The following SLITRK2 variants were observed in gnomAD, a reference collection of about 807,000 sequenced individuals.
SLITRK2 encodes SLIT and NTRK-like protein 2.
SLITRK2 carries 13 observed loss-of-function variants against 35.4 expected under a neutral mutation model. That is an observed-to-expected ratio of 0.37 (90% confidence interval 0.24 to 0.58). SLITRK2 has a LOEUF of 0.58. Ranked by LOEUF, SLITRK2 falls within the 20% of genes least tolerant of loss-of-function variation. The pLI is 0.75. For synonymous variants in SLITRK2, 294 were observed against 264.7 expected (o/e 1.11, Z -1.07); for missense variants, 471 against 634.3 (o/e 0.74, Z 2.76).
In SLITRK2 at chrX:145,827,725, T is replaced by A; in HGVS notation, c.*2762T>A. On this transcript the variant is annotated 3_prime_UTR_variant, in exon 5 of 5. Transcript: ENST00000335565. ...TAAAATCATCATACATCATATACTT[T>A]GAACCTTTATTTTCTAATGCAATCA... 1 of 1,186,740 alleles carries A rather than the reference T, an allele frequency of 8.4e-7. No individual in the cohort carries two copies. The highest frequency in any genetic ancestry group is 1.1e-6 in the Non-Finnish European group (1 of 875,979).
intron 4 of SLITRK2, 105 bp downstream of exon 4, chrX:145,822,258 T>A (rs1220055533): frequency 4.5e-6 from 2 of 441,067 alleles, no homozygotes. Context: ...GATTTCATTC[T>A]GCCGTGTTGC....
chrX:145,829,475 T>G lies in SLITRK2; in HGVS notation c.*4512T>G, dbSNP rs1435996932. ...CTGAAGTCTGATGTGAATTGAGCTA[T>G]CAAGCAATGCTATCATAGCACAGTA... On this transcript the variant is annotated 3_prime_UTR_variant, in exon 5 of 5. Coordinates refer to ENST00000335565, the MANE Select transcript of SLITRK2 (RefSeq NM_032539.5). The G allele has an allele frequency of 1.6e-5, 2 of 122,951 alleles. No individual in the cohort carries two copies. Among genetic ancestry groups the G allele is most frequent in the African/African-American group, 6.5e-5 (2 of 30,719 alleles). 10.1% of individuals were successfully genotyped at this position (122,951 alleles called of 1,213,427 possible). A position where few individuals can be genotyped will look rare whatever the true frequency, so the allele number is the denominator to read the frequency against.
intron 2 of SLITRK2, chrX:145,821,140 C>CACACACAT (rs1433506454): frequency 9.2e-6 from 1 of 109,034 alleles, no homozygotes; most frequent in Non-Finnish European, 1.9e-5. Flanking sequence ...CACACACACA[C>CACACACAT]ACACACACAC....
Position 145,829,487 on chromosome X carries a change from A to G in SLITRK2, c.*4524A>G, listed in dbSNP as rs2073154813. The stretch of plus-strand genomic sequence containing the variant: ...GTGAATTGAGCTATCAAGCAATGCT[A>G]TCATAGCACAGTAGCAGTCCTGAAC... On this transcript the variant is annotated 3_prime_UTR_variant, in exon 5 of 5. Coordinates refer to ENST00000335565, the MANE Select transcript of SLITRK2 (RefSeq NM_032539.5). The G allele has an allele frequency of 8.1e-6, 1 of 122,975 alleles. No individual in the cohort carries two copies. The highest frequency in any genetic ancestry group is 3.3e-5 in the African/African-American group (1 of 30,689). The allele number at this position is 122,975 out of a possible 1,213,427, so 10.1% of individuals were successfully genotyped here. A position where few individuals can be genotyped will look rare whatever the true frequency, so the allele number is the denominator to read the frequency against.
At chrX:145,818,253 C>G (rs1278014104) in intron 1 of SLITRK2, 2 of 112,750 alleles carry the variant, frequency 1.8e-5, no homozygotes, top group Non-Finnish European at 3.8e-5. Context: ...CTCCGCGCCT[C>G]GCGCAGCGGG....
In SLITRK2 at chrX:145,817,860, T is replaced by C. The variant is rs2072911260; in HGVS notation, c.-959T>C. ...CCTGCAAGAAGCGTTGCCCGTTGGC[T>C]AGCTGCTCGGTGGGGATCTGCCTGC... is the stretch of plus-strand genomic sequence containing the variant. On this transcript the variant is annotated 5_prime_UTR_variant, in exon 1 of 5. Coordinates refer to ENST00000335565, the MANE Select transcript of SLITRK2 (RefSeq NM_032539.5). 9.5e-6 allele frequency: 1 copy of C among 105,788 alleles called. No individual in the cohort carries two copies. The highest frequency in any genetic ancestry group is 3.5e-5 in the African/African-American group (1 of 28,883). 8.7% of individuals were successfully genotyped at this position (105,788 alleles called of 1,213,427 possible).
rs1283547485 is a variant in SLITRK2, at chrX:145,824,118, G to T, written c.1693G>T (p.Ala565Ser). ...EVTCESPAKH[A>S]GEILKFLGRE... Reference sequence around the variant, plus strand: ...GACTTGCGAATCTCCTGCTAAGCATGCAGGGGAGATACTAAAATTTCTGGG... The same window carrying T: ...GACTTGCGAATCTCCTGCTAAGCATTCAGGGGAGATACTAAAATTTCTGGG... Residue 565 changes from alanine to serine, a missense_variant, in exon 5 of 5, where the codon GCA (alanine) becomes TCA (serine). Transcript: ENST00000335565. 2 of 1,208,939 alleles carry T rather than the reference G, an allele frequency of 1.7e-6. No individual in the cohort carries two copies. The highest frequency in any genetic ancestry group is 3.5e-5 in the African/African-American group (2 of 56,946).
intron 4 of SLITRK2, 35 bp downstream of exon 4, chrX:145,822,188 G>T (rs2124143040): frequency 2.7e-6 from 1 of 370,310 alleles, no homozygotes; most frequent in East Asian, 4.5e-5. Context: ...CGCGTGTGTG[G>T]GTGGCCTCGG....
Position 145,825,602 on chromosome X carries a change from A to G in SLITRK2, c.*639A>G, listed in dbSNP as rs1556945689. 1 of 123,816 alleles carries G rather than the reference A, an allele frequency of 8.1e-6. No individual in the cohort carries two copies. The highest frequency in any genetic ancestry group is 2.8e-4 in the East Asian group (1 of 3,592). 10.2% of individuals were successfully genotyped at this position (123,816 alleles called of 1,213,427 possible). A position where few individuals can be genotyped will look rare whatever the true frequency, so the allele number is the denominator to read the frequency against. The stretch of plus-strand genomic sequence containing the variant: ...GTATTTTTGAAATTGAAAACACTGT[A>G]AAATAGATTGATGTGTCAGCTATAT... On this transcript the variant is annotated 3_prime_UTR_variant, in exon 5 of 5. Transcript: ENST00000335565.
In SLITRK2 at chrX:145,824,961, T is replaced by C. The variant is rs781850612; in HGVS notation, c.2536T>C (p.Ter846ArgextTer23). The change falls in exon 5 of 5, where the codon TGA becomes CGA. Residue 846 changes from the stop codon to arginine, a stop_lost. Transcript: ENST00000335565. ...AAAACAAACTGCAATCAGTCAGCTG[T>C]GAAGGGAAATCATTTACAACCCTAA... is the stretch of plus-strand genomic sequence containing the variant. ...LEKQTAISQL[*>R] 2.5e-6 allele frequency: 3 copies of C among 1,204,175 alleles called. No homozygotes were observed. The highest frequency in any genetic ancestry group is 3.4e-6 in the Non-Finnish European group (3 of 892,510).
In SLITRK2 at chrX:145,824,902, C is replaced by T. The variant is rs782016025; in HGVS notation, c.2477C>T (p.Pro826Leu). The T allele has an allele frequency of 3.9e-5, 47 of 1,209,175 alleles. No individual in the cohort carries two copies. Among genetic ancestry groups the T allele is most frequent in the Admixed American group, 1.5e-4 (7 of 45,631 alleles). Residue 826 changes from proline (P) to leucine (L), a missense_variant, in exon 5 of 5, where the codon CCG (proline) becomes CTG (leucine). By Grantham distance (98) the Pro-to-Leu change is moderately conservative. Transcript: ENST00000335565. The stretch of plus-strand genomic sequence containing the variant: ...AACCACCCTTTACTGCAAGCTAAGC[C>T]GCAATCAGAACCGGACTACCTCGAA... ...KPNHPLLQAK[P>L]QSEPDYLEVL...
At chrX:145,819,346 A>G (rs1556942483) in intron 1 of SLITRK2, 1 of 111,965 alleles carries the variant, frequency 8.9e-6, no homozygotes. Context: ...TTTAATTCAT[A>G]TTAAGCAGTA....
Position 145,822,822 on chromosome X carries a change from C to A in SLITRK2, c.397C>A (p.Leu133Met), listed in dbSNP as rs2124157290. ...ATTGAGGGAGGACACCTTCCTAGGC[C>A]TGGAGAGCCTGGAGTATCTCCAGGC... ...EILREDTFLG[L>M]ESLEYLQADY... The change falls in exon 5 of 5, where the codon CTG (leucine) becomes ATG (methionine). Residue 133 changes from leucine (L) to methionine (M), a missense_variant. Leu to Met is a conservative substitution (Grantham distance 15, BLOSUM62 2). Coordinates refer to ENST00000335565, the MANE Select transcript of SLITRK2 (RefSeq NM_032539.5). 8.3e-7 allele frequency: 1 copy of A among 1,210,246 alleles called. No individual in the cohort carries two copies. Among genetic ancestry groups the A allele is most frequent in the Non-Finnish European group, 1.1e-6 (1 of 894,855 alleles).
chrX:145,821,121 T>TCACA (rs781940605), intron 2 of SLITRK2: 586 of 43,767 alleles, frequency 0.013, 3 homozygotes, highest in African/African-American at 0.027. Context: ...TCTCTCTCTC[T>TCACA]CACTCACACA....
Position 145,828,894 on chromosome X carries a change from C to A in SLITRK2, c.*3931C>A, listed in dbSNP as rs190386600. On this transcript the variant is annotated 3_prime_UTR_variant, in exon 5 of 5. Transcript: ENST00000335565. ...AAACATTTGTTTTTGCAAAATAAGGCCCAATGTTATGGCCTAATGAAAGCT... is the reference window on the plus strand; with the variant it reads ...AAACATTTGTTTTTGCAAAATAAGGACCAATGTTATGGCCTAATGAAAGCT... 5.3e-3 allele frequency: 652 copies of A among 123,143 alleles called. 3 individuals are homozygous for A. The highest frequency in any genetic ancestry group is 0.037 in the Middle Eastern group (8 of 216). The allele number at this position is 123,143 out of a possible 1,213,427, so 10.1% of individuals were successfully genotyped here. A position where few individuals can be genotyped will look rare whatever the true frequency, so the allele number is the denominator to read the frequency against.
In SLITRK2 at chrX:145,822,548, A is replaced by T. The variant is rs2124149184; in HGVS notation, c.123A>T (p.Val41=). The stretch of plus-strand genomic sequence containing the variant: ...GTCTGTGCGAAGAAAAGGAAAACGT[A>T]CTGAATATCAACTGTGAGAACAAAG... ...IRCLCEEKEN[V]LNINCENKGF... Residue 41 remains valine, a synonymous_variant, in exon 5 of 5, where the codon GTA becomes GTT. Coordinates refer to ENST00000335565, the MANE Select transcript of SLITRK2 (RefSeq NM_032539.5). 1 of 1,211,767 alleles carries T rather than the reference A, an allele frequency of 8.3e-7. No individual in the cohort carries two copies. Among genetic ancestry groups the T allele is most frequent in the South Asian group, 1.8e-5 (1 of 56,982 alleles).
chrX:145,821,125 TCA>T lies in SLITRK2; in HGVS notation c.-729-195_-729-194del, dbSNP rs1217882056. 246 of 77,263 alleles carry T rather than the reference TCA, an allele frequency of 3.2e-3. 2 individuals carry two copies. Among genetic ancestry groups the T allele is most frequent in the African/African-American group, 5.9e-3 (112 of 18,975 alleles). The allele number at this position is 77,263 out of a possible 1,213,427, so 6.4% of individuals were successfully genotyped here. A position where few individuals can be genotyped will look rare whatever the true frequency, so the allele number is the denominator to read the frequency against. On this transcript the variant is annotated intron_variant, in intron 2 of 4. Transcript: ENST00000335565. ...CACTCTCTCTCTCTCTCTCTCTCAC[TCA>T]CACACACACACACACACACACACAC...
rs150059944 is a variant in SLITRK2 at position 145,823,393 on chromosome X, G to A, written c.968G>A (p.Ser323Asn). 78 of 1,209,964 alleles carry A rather than the reference G, an allele frequency of 6.4e-5. No homozygotes were observed. The highest frequency in any genetic ancestry group is 8.3e-5 in the Non-Finnish European group (74 of 895,260). The change falls in exon 5 of 5, where the codon AGT becomes AAT. Residue 323 changes from serine to asparagine, a missense_variant. By Grantham distance (46) the Ser-to-Asn change is conservative. Around this residue, in one of 7 missense-constraint regions of SLITRK2, gnomAD observed 56 missense variants for 48.7 expected, o/e 1.15. Coordinates refer to ENST00000335565, the MANE Select transcript of SLITRK2 (RefSeq NM_032539.5). ...GTGACTGTGTCAAAGGACAGGCAAA[G>A]TTTTGGACCCATCATGGTGTACCAG... ...PRVTVSKDRQ[S>N]FGPIMVYQTK... is the part of the protein sequence containing the mutation.
At chrX:145,819,136 T>A (rs1435389027) in intron 1 of SLITRK2, 1 of 111,511 alleles carries the variant, frequency 9.0e-6, no homozygotes, top group African/African-American at 3.3e-5. Context: ...TCTCTGAATC[T>A]CTCTCCTGTC....
Sources: gnomAD v4.1 joint callset for allele counts on GRCh38, gnomAD v4.1.1 for gene constraint, gnomAD v4.1.1 regional missense constraint, MANE v1.5 for transcripts, NCBI Gene and HGNC (gene_info 2026-07-23, HGNC 2026-07-21) for gene names.